FOXP1: variants seen among roughly 807,000 people sequenced by gnomAD.
FOXP1 encodes forkhead box P1.
Under a neutral mutation model 98.2 loss-of-function variants are expected in FOXP1, and 15 were observed. That is an observed-to-expected ratio of 0.15 (90% CI 0.10 to 0.24). The LOEUF is 0.24. Among genes scored for constraint, FOXP1 ranks in the 10% least tolerant of loss-of-function variants. FOXP1 has a pLI of 1.00. For missense variants in FOXP1, 633 were observed against 848.5 expected (o/e 0.75, Z 3.15); for synonymous variants, 371 against 314.5 (o/e 1.18, Z -1.90).
intron 6 of FOXP1, among the ~76,000 whole-genome samples, chr3:71,172,755 T>C (rs2061711915): frequency 6.6e-6 from 1 of 152,178 alleles, no homozygotes; most frequent in Non-Finnish European, 1.5e-5. Flanking sequence ...ACTGTTGGTA[T>C]TTTTACTTGT....
rs560663435 is a variant in FOXP1, at chr3:71,427,758, A to C, written c.-168+65668T>G. On this transcript the variant is annotated intron_variant, in intron 3 of 20. Transcript: ENST00000649528. ...GAGGGGTGAGGGGTCAAAAACAATAAAGAGGATGCCTGGCTTTCAGGCATG... is the reference window on the plus strand; with the variant it reads ...GAGGGGTGAGGGGTCAAAAACAATACAGAGGATGCCTGGCTTTCAGGCATG... Among the ~76,000 whole-genome samples, 10 of 152,340 alleles carry C rather than the reference A, an allele frequency of 6.6e-5. No homozygotes were observed. The South Asian group carries it at 2.1e-3, about 32-fold the overall frequency.
chr3:71,396,290 G>A (rs540585325), intron 3 of FOXP1, among the ~76,000 whole-genome samples: 1 of 152,272 alleles, frequency 6.6e-6, no homozygotes, highest in African/African-American at 2.4e-5. Context: ...CAGGAATGTG[G>A]TGCCCGATGA....
At chr3:70,961,433 A>G (rs2033472797) in intron 20 of FOXP1, among the ~76,000 whole-genome samples, 1 of 151,202 alleles carries the variant, frequency 6.6e-6, no homozygotes, top group Admixed American at 6.6e-5. Context: ...GTTTCACCAT[A>G]TTGGTGAGGC....
At chr3:71,485,975 C>T (rs1231263359) in intron 3 of FOXP1, among the ~76,000 whole-genome samples, 1 of 152,056 alleles carries the variant, frequency 6.6e-6, no homozygotes, top group African/African-American at 2.4e-5. Context: ...AGTCAGATTC[C>T]ACCTCTTTCA....
At chr3:71,077,178 A>G (rs1427508984) in intron 7 of FOXP1, among the ~76,000 whole-genome samples, 1 of 152,234 alleles carries the variant, frequency 6.6e-6, no homozygotes, top group East Asian at 1.9e-4. Flanking sequence ...AATCCTTCTT[A>G]GATGTCTAGA....
chr3:71,420,240 A>T (rs896788307), intron 3 of FOXP1, among the ~76,000 whole-genome samples: 3 of 152,214 alleles, frequency 2.0e-5, no homozygotes, highest in African/African-American at 7.2e-5. Flanking sequence ...TACAGGAAAA[A>T]TATTAGGTAT....
chr3:71,203,549 C>G (rs2063800271), intron 5 of FOXP1, among the ~76,000 whole-genome samples: 1 of 152,150 alleles, frequency 6.6e-6, no homozygotes, highest in Non-Finnish European at 1.5e-5. Flanking sequence ...CCCTTGTTAT[C>G]ATGCTTGTGA....
intron 7 of FOXP1, among the ~76,000 whole-genome samples, chr3:71,072,697 AC>A (rs1446073580): frequency 6.6e-6 from 1 of 152,146 alleles, no homozygotes; most frequent in African/African-American, 2.4e-5. Context: ...TTTTATTTCA[AC>A]CATGCCTGCT....
At chr3:71,259,092 T>G (rs2068879343) in intron 5 of FOXP1, among the ~76,000 whole-genome samples, 2 of 151,872 alleles carry the variant, frequency 1.3e-5, no homozygotes, top group South Asian at 4.2e-4. Context: ...TGCAGTGAGC[T>G]GAGATCGTGC....
rs1261376876 is a variant in FOXP1 at position 70,956,731 on chromosome 3, AGTTTTTTTTTTTTTTT to A, written c.*2500_*2515del. The A allele has an allele frequency of 4.9e-5, 5 of 101,750 alleles. No individual in the cohort carries two copies. The highest frequency in any genetic ancestry group is 7.8e-5 in the African/African-American group (2 of 25,586). The allele number at this position is 101,750 out of a possible 1,614,324, so 6.3% of individuals were successfully genotyped here. A position where few individuals can be genotyped will look rare whatever the true frequency, so the allele number is the denominator to read the frequency against. The stretch of plus-strand genomic sequence containing the variant: ...TGCACATCATGAAGCTGCCTGGAAA[AGTTTTTTTTTTTTTTT>A]TTTTTTTTTTTTTTTTTTTTTTTTT... On this transcript the variant is annotated 3_prime_UTR_variant, in exon 21 of 21. Coordinates refer to ENST00000649528, the MANE Select transcript of FOXP1 (RefSeq NM_001349338.3).
intron 6 of FOXP1, among the ~76,000 whole-genome samples, chr3:71,113,569 T>A (rs1012359019): frequency 6.6e-6 from 1 of 151,860 alleles, no homozygotes; most frequent in Non-Finnish European, 1.5e-5. Flanking sequence ...AAAAATTAGC[T>A]GGGTGTGGTG....
intron 3 of FOXP1, among the ~76,000 whole-genome samples, chr3:71,401,206 C>T (rs2081939635): frequency 6.6e-6 from 1 of 152,174 alleles, no homozygotes; most frequent in African/African-American, 2.4e-5. Context: ...GCACATTGCC[C>T]CCTGGGTACC....
At chr3:71,439,226 G>GC (rs990857896) in intron 3 of FOXP1, among the ~76,000 whole-genome samples, 1 of 152,212 alleles carries the variant, frequency 6.6e-6, no homozygotes, top group Admixed American at 6.5e-5. Context: ...CTGCACGAGA[G>GC]CTGCTCAGAA....
intron 7 of FOXP1, among the ~76,000 whole-genome samples, chr3:71,066,880 C>A (rs1008487459): frequency 6.6e-6 from 1 of 152,136 alleles, no homozygotes; most frequent in African/African-American, 2.4e-5. Flanking sequence ...TCAAAACAAA[C>A]AATAAACAAG....
At chr3:71,387,540 A>C (rs1301470333) in intron 3 of FOXP1, among the ~76,000 whole-genome samples, 3 of 152,234 alleles carry the variant, frequency 2.0e-5, no homozygotes, top group African/African-American at 7.2e-5. Context: ...AGCATCAGTG[A>C]AACCACTTCA....
intron 6 of FOXP1, among the ~76,000 whole-genome samples, chr3:71,117,844 G>C (rs2058485257): frequency 6.6e-6 from 1 of 152,146 alleles, no homozygotes; most frequent in African/African-American, 2.4e-5. Flanking sequence ...GCTAGGCTCG[G>C]GTTACAGTAA....
chr3:71,199,190 C>T (rs892458290), intron 5 of FOXP1, among the ~76,000 whole-genome samples: 2 of 151,588 alleles, frequency 1.3e-5, no homozygotes, highest in Admixed American at 6.6e-5. Flanking sequence ...TCACTGCCTC[C>T]GCCTCCCGGG....
At chr3:71,421,525 A>T (rs2083646706) in intron 3 of FOXP1, among the ~76,000 whole-genome samples, 1 of 152,210 alleles carries the variant, frequency 6.6e-6, no homozygotes, top group South Asian at 2.1e-4. Context: ...AAAGAAGCAT[A>T]AATTGTGTGA....
chr3:71,227,717 C>G (rs1219822812), intron 5 of FOXP1, among the ~76,000 whole-genome samples: 1 of 149,174 alleles, frequency 6.7e-6, no homozygotes, highest in African/African-American at 2.5e-5. Context: ...TGGTTACCAT[C>G]ATGCTCAATG....
Sources: allele counts gnomAD v4.1 joint callset (sites outside exome capture counted in the v4.1 genomes callset), GRCh38; gene constraint gnomAD v4.1.1; transcripts MANE v1.5; gene names NCBI Gene and HGNC (gene_info 2026-07-23, HGNC 2026-07-21).